The following ADGRV1 variants were observed in gnomAD, a reference collection of about 807,000 sequenced individuals.
ADGRV1 encodes adhesion G protein-coupled receptor V1.
A neutral mutation model predicts 596.2 loss-of-function variants in ADGRV1; 359 were observed. The ratio of observed to expected loss-of-function variants is 0.60; its 90% confidence interval spans 0.55 to 0.66. The LOEUF (loss-of-function observed/expected upper bound fraction) is 0.66, where lower values mean the gene tolerates loss of function less well. ADGRV1 is among the 30% of genes least tolerant of loss of function. ADGRV1 has a pLI of 0.00. For synonymous variants in ADGRV1, 2,681 were observed against 2,679.2 expected (o/e 1.00, Z -0.02); for missense variants, 7,274 against 7,575.6 (o/e 0.96, Z 1.48).
intron 1 of ADGRV1, among the ~76,000 whole-genome samples, chr5:90,607,720 A>G (rs1445404624): frequency 6.6e-6 from 1 of 152,178 alleles, no homozygotes; most frequent in Non-Finnish European, 1.5e-5. Context: ...AAAGTTGACA[A>G]GCCACATCCT....
chr5:90,892,514 T>C (rs1290078270), intron 83 of ADGRV1, among the ~76,000 whole-genome samples: 2 of 152,058 alleles, frequency 1.3e-5, no homozygotes, highest in Non-Finnish European at 2.9e-5. Flanking sequence ...GTGAAGTAAA[T>C]TGGAAAAACA....
At chr5:90,999,804 G>T (rs955420288) in intron 85 of ADGRV1, among the ~76,000 whole-genome samples, 1 of 152,048 alleles carries the variant, frequency 6.6e-6, no homozygotes, top group African/African-American at 2.4e-5. Context: ...AGGAAGTTCT[G>T]TTGTAGATGT....
At chr5:90,887,415 C>T (rs1210399924) in intron 83 of ADGRV1, among the ~76,000 whole-genome samples, 1 of 152,070 alleles carries the variant, frequency 6.6e-6, no homozygotes, top group Non-Finnish European at 1.5e-5. Flanking sequence ...GTTCATTTTC[C>T]TGTTCTCTAT....
intron 87 of ADGRV1, among the ~76,000 whole-genome samples, chr5:91,145,588 T>G (rs1795467206): frequency 6.6e-6 from 1 of 152,166 alleles, no homozygotes; most frequent in Admixed American, 6.5e-5. Context: ...ATGATGTCCT[T>G]TGCACATGAA....
rs866480758 is a variant in ADGRV1 at position 91,151,150 on chromosome 5, G to C, written c.18624+929G>C. 1.8e-4 allele frequency among the ~76,000 whole-genome samples: 28 copies of C among 152,306 alleles called. 1 individual carries two copies. Among genetic ancestry groups the C allele is most frequent in the Middle Eastern group, 6.8e-3 (2 of 294 alleles). On this transcript the variant is annotated intron_variant, in intron 88 of 89. Transcript: ENST00000405460. ...GTTTATATTAATAGATGGATGGAGAGATTGGTAGATAGATAAATCAATAGA... is the reference window on the plus strand; with the variant it reads ...GTTTATATTAATAGATGGATGGAGACATTGGTAGATAGATAAATCAATAGA...
chr5:91,062,753 T>C (rs1722317294), intron 85 of ADGRV1, among the ~76,000 whole-genome samples: 3 of 152,096 alleles, frequency 2.0e-5, no homozygotes, highest in East Asian at 1.9e-4. Flanking sequence ...TGTTTTTCTA[T>C]CCCTTTTGCT....
chr5:90,566,264 C>G (rs1755621946), intron 1 of ADGRV1, among the ~76,000 whole-genome samples: 1 of 152,108 alleles, frequency 6.6e-6, no homozygotes, highest in South Asian at 2.1e-4. Flanking sequence ...AAATTTATAC[C>G]CATGCTTTCA....
At chr5:90,825,766 G>C (rs1402971573) in intron 76 of ADGRV1, 1 of 152,138 alleles carries the variant, frequency 6.6e-6, no homozygotes, top group Non-Finnish European at 1.5e-5. Context: ...AGAAAATGTT[G>C]TATGCAATAC....
rs777067560 is a variant in ADGRV1, at chr5:90,704,408, T to C, written c.8306T>C (p.Leu2769Ser). 9 of 1,576,252 alleles carry C rather than the reference T, an allele frequency of 5.7e-6. No individual in the cohort carries two copies. The East Asian group carries it at 2.1e-4, about 36-fold the overall frequency. ...ACATAGGGGTCGTTGAATACAACAT[T>C]GTTTGTGCATTTGTTGGATGACAAC... Reference protein sequence around the residue: ...FFPEGSLNTTLFVHLLDDNIP... With the variant: ...FFPEGSLNTTSFVHLLDDNIP... Residue 2769 changes from leucine (L) to serine (S), a missense_variant, in exon 36 of 90, where the codon TTG (leucine) becomes TCG (serine). Transcript: ENST00000405460.
chr5:90,802,608 G>A, intron 70 of ADGRV1, 131 bp from the exon 71 acceptor site: 1 of 706,532 alleles, frequency 1.4e-6, no homozygotes, highest in Non-Finnish European at 2.3e-6. Context: ...TTTGTGATGG[G>A]GAAAAGTGCA....
At chr5:90,768,518 A>G (rs1338120540) in intron 59 of ADGRV1, among the ~76,000 whole-genome samples, 1 of 152,178 alleles carries the variant, frequency 6.6e-6, no homozygotes, top group African/African-American at 2.4e-5. Context: ...TGTTATACCT[A>G]CGGTACATCC....
At chr5:90,863,897 T>G (rs777329974) in intron 83 of ADGRV1, 40 bp downstream of exon 83, 1 of 1,262,822 alleles carries the variant, frequency 7.9e-7, no homozygotes. Flanking sequence ...CGTGAGATGT[T>G]TGTGTTTCTT....
intron 13 of ADGRV1, among the ~76,000 whole-genome samples, chr5:90,643,506 C>T (rs1767281214): frequency 6.6e-6 from 1 of 152,074 alleles, no homozygotes; most frequent in Admixed American, 6.6e-5. Flanking sequence ...ATTTTATTCA[C>T]TTTTGTAAGT....
intron 84 of ADGRV1, among the ~76,000 whole-genome samples, chr5:90,977,223 C>T (rs1466850773): frequency 6.6e-6 from 1 of 152,124 alleles, no homozygotes; most frequent in Non-Finnish European, 1.5e-5. Context: ...CTCAAAAAGT[C>T]TTGCAATTTA....
In ADGRV1 at chr5:90,863,752, T is replaced by C. The variant is rs148654550; in HGVS notation, c.17756-5T>C. On this transcript the variant is annotated splice_polypyrimidine_tract_variant and splice_region_variant and intron_variant, in intron 82 of 89. Transcript: ENST00000405460. ...AACCATATGTGGACTTTTTTGTTCC[T>C]ACAGGTCTTTGCTTGGCTGTTCTTT... The C allele has an allele frequency of 1.1e-4, 172 of 1,607,110 alleles. No individual in the cohort carries two copies. The African/African-American group carries it at 1.8e-3, about 17-fold the overall frequency.
rs73771108 is a variant in ADGRV1, at chr5:90,877,340, C to T, written c.17856+13483C>T. Among the ~76,000 whole-genome samples the T allele has an allele frequency of 9.7e-3, 1,484 of 152,286 alleles. 26 individuals are homozygous for T. The highest frequency in any genetic ancestry group is 0.034 in the African/African-American group (1,426 of 41,564). ...AAAGGAGAGCTACTCCTGGGCAGAC[C>T]TGTTGGAAAAGTAGAATAGTCGCCA... On this transcript the variant is annotated intron_variant, in intron 83 of 89. Coordinates refer to ENST00000405460, the MANE Select transcript of ADGRV1 (RefSeq NM_032119.4).
Position 90,753,710 on chromosome 5 carries a change from G to A in ADGRV1, c.11258G>A (p.Gly3753Asp), listed in dbSNP as rs1175011743. 26 of 1,613,610 alleles carry A rather than the reference G, an allele frequency of 1.6e-5. No individual in the cohort carries two copies. Among genetic ancestry groups the A allele is most frequent in the Non-Finnish European group, 2.1e-5 (25 of 1,179,692 alleles). ...GAAGGGGTTGAGGACTCATACAAAGGTGCTACTATTGATCAGGACAGAAGC... is the reference window on the plus strand; with the variant it reads ...GAAGGGGTTGAGGACTCATACAAAGATGCTACTATTGATCAGGACAGAAGC... ...TTEGVEDSYKGATIDQDRSKS... is the reference protein window; with the variant it reads ...TTEGVEDSYKDATIDQDRSKS... The change falls in exon 54 of 90, where the codon GGT becomes GAT. Residue 3753 changes from glycine to aspartate, a missense_variant. Around this residue, in one of 5 missense-constraint regions of ADGRV1, gnomAD observed 3,643 missense variants for 3,809.2 expected, o/e 0.96. Coordinates refer to ENST00000405460, the MANE Select transcript of ADGRV1 (RefSeq NM_032119.4).
At chr5:91,107,877 A>G (rs1792031236) in intron 87 of ADGRV1, among the ~76,000 whole-genome samples, 1 of 152,192 alleles carries the variant, frequency 6.6e-6, no homozygotes. Flanking sequence ...GAGGTTTGTA[A>G]AGAAAGGAGG....
intron 85 of ADGRV1, among the ~76,000 whole-genome samples, chr5:90,990,702 A>G (rs996155027): frequency 6.6e-6 from 1 of 152,206 alleles, no homozygotes; most frequent in Non-Finnish European, 1.5e-5. Context: ...AAATGCTTCC[A>G]ACTTCTTTTC....
Sources: allele counts gnomAD v4.1 joint callset (sites outside exome capture counted in the v4.1 genomes callset), GRCh38; gene constraint gnomAD v4.1.1; regional missense constraint gnomAD v4.1.1; transcripts MANE v1.5; gene names NCBI Gene and HGNC (gene_info 2026-07-23, HGNC 2026-07-21).